Variants in PDE10A observed in about 807,000 individuals in gnomAD.
PDE10A encodes the protein phosphodiesterase 10A.
In PDE10A, 39 loss-of-function variants were observed where a neutral mutation model predicts 97.7. The ratio of observed to expected loss-of-function variants is 0.40; its 90% CI spans 0.31 to 0.52. The LOEUF (loss-of-function observed/expected upper bound fraction) is 0.52, where lower values mean the gene tolerates loss of function less well. Among genes scored for constraint, PDE10A ranks in the 20% least tolerant of loss-of-function variants. PDE10A has a pLI of 0.56. For synonymous variants in PDE10A, 371 were observed against 376.8 expected, an observed-to-expected ratio of 0.98 and a Z score of 0.18; for missense variants, 731 against 1,047.8, an observed-to-expected ratio of 0.70 and a Z score of 4.17.
chr6:165,341,842 T>C (rs1465907978), intron 19 of PDE10A, among the ~76,000 whole-genome samples: 2 of 152,204 alleles, frequency 1.3e-5, no homozygotes, highest in Non-Finnish European at 2.9e-5. Flanking sequence ...TTTACTGTGA[T>C]ACACAATTTA....
In PDE10A at chr6:165,726,534, AGAGGAGAGCCACGATGCCC is replaced by A. The variant is rs533038335; in HGVS notation, c.-614-182985_-614-182967del. Among the ~76,000 whole-genome samples the A allele has an allele frequency of 4.9e-3, 753 of 152,162 alleles. 5 individuals carry two copies. Among genetic ancestry groups the A allele is most frequent in the Non-Finnish European group, 7.0e-3 (473 of 67,984 alleles). On this transcript the variant is annotated intron_variant, in intron 1 of 19. Coordinates refer to the PDE10A transcript ENST00000366882. ...GAGCACGGGTGCCGAGCACCGGGGGAGAGGAGAGCCACGATGCCCGAGGAGAGCCACGATGCCCGCTCCC... is the reference window on the plus strand; with the variant it reads ...GAGCACGGGTGCCGAGCACCGGGGGAGAGGAGAGCCACGATGCCCGCTCCC...
intron 18 of PDE10A, among the ~76,000 whole-genome samples, chr6:165,349,193 G>T (rs928828121): frequency 6.6e-6 from 1 of 152,136 alleles, no homozygotes; most frequent in Non-Finnish European, 1.5e-5. Context: ...ATTTCCTAGA[G>T]ACTTGGACAA....
intron 13 of PDE10A, among the ~76,000 whole-genome samples, chr6:165,405,287 A>G (rs1263369292): frequency 6.6e-6 from 1 of 152,204 alleles, no homozygotes; most frequent in African/African-American, 2.4e-5. Context: ...TAGGGCAGAC[A>G]TAAAAGGTAC....
rs138238143 is a variant in PDE10A, at chr6:165,392,386, A to T, written c.2454+260T>A. Among the ~76,000 whole-genome samples, 699 of 152,320 alleles carry T rather than the reference A, an allele frequency of 4.6e-3. 4 individuals carry two copies. Among genetic ancestry groups the T allele is most frequent in the African/African-American group, 0.016 (661 of 41,574 alleles). ...CCCTTCAGAACATTTAAGCTTTAAC[A>T]GGTAAGACAGACTACAAAATTAGTA... On this transcript the variant is annotated intron_variant, in intron 16 of 21. Transcript: ENST00000539869.
At chr6:165,577,896 A>G (rs1375075113) in intron 1 of PDE10A, among the ~76,000 whole-genome samples, 1 of 152,194 alleles carries the variant, frequency 6.6e-6, no homozygotes, top group Non-Finnish European at 1.5e-5. Flanking sequence ...GCTAGAGGAC[A>G]CAATAGAAAA....
rs1490605705 is a variant in PDE10A at position 165,852,802 on chromosome 6, C to T, written c.-615+134727G>A. Among the ~76,000 whole-genome samples the T allele has an allele frequency of 2.0e-5, 3 of 152,218 alleles. No individual in the cohort carries two copies. The East Asian group carries it at 5.8e-4, about 29-fold the overall frequency. On this transcript the variant is annotated intron_variant, in intron 1 of 19. Coordinates refer to the PDE10A transcript ENST00000366882. The stretch of plus-strand genomic sequence containing the variant: ...TCTGTGCACATGAGCTGGTCCTGAT[C>T]TAACACATTTTTCTGAGCTCCATCC...
chr6:165,445,278 A>G (rs1043482958), intron 5 of PDE10A, among the ~76,000 whole-genome samples: 4 of 152,254 alleles, frequency 2.6e-5, no homozygotes, highest in African/African-American at 7.2e-5. Flanking sequence ...TGCATAAAAT[A>G]TATTTTACCC....
At chr6:165,651,105 C>A (rs1196788586) in intron 1 of PDE10A, among the ~76,000 whole-genome samples, 2 of 152,154 alleles carry the variant, frequency 1.3e-5, no homozygotes, top group African/African-American at 4.8e-5. Context: ...CTTGATACTC[C>A]CACCAGGAAA....
intron 1 of PDE10A, among the ~76,000 whole-genome samples, chr6:165,770,085 G>C (rs976149659): frequency 6.7e-6 from 1 of 150,318 alleles, no homozygotes; most frequent in Non-Finnish European, 1.5e-5. Context: ...CCTAGCTTCC[G>C]TCTCTAGTCC....
At chr6:165,796,183 C>A (rs374469454) in intron 1 of PDE10A, among the ~76,000 whole-genome samples, 2 of 150,206 alleles carry the variant, frequency 1.3e-5, no homozygotes, top group East Asian at 3.9e-4. Flanking sequence ...GCCAGCTCCG[C>A]CTCCCGAGTT....
At chr6:165,802,376 C>CA (rs1415496054) in intron 1 of PDE10A, among the ~76,000 whole-genome samples, 1 of 152,208 alleles carries the variant, frequency 6.6e-6, no homozygotes, top group Non-Finnish European at 1.5e-5. Context: ...CCAAGTTTGT[C>CA]ACACCTCTGT....
chr6:165,546,134 T>C (rs1783724887), intron 1 of PDE10A, among the ~76,000 whole-genome samples: 1 of 152,018 alleles, frequency 6.6e-6, no homozygotes, highest in South Asian at 2.1e-4. Flanking sequence ...CTTAAATGCA[T>C]ATTGCTATGA....
At chr6:165,826,912 G>A (rs954520916) in intron 1 of PDE10A, among the ~76,000 whole-genome samples, 8 of 151,800 alleles carry the variant, frequency 5.3e-5, no homozygotes, top group East Asian at 1.9e-4. Flanking sequence ...TGAGGTGGGC[G>A]CAGGCGGGAT....
At chr6:165,938,344 T>C (rs1562806989) in intron 1 of PDE10A, among the ~76,000 whole-genome samples, 1 of 152,240 alleles carries the variant, frequency 6.6e-6, no homozygotes, top group African/African-American at 2.4e-5. Flanking sequence ...TATGGTTGTC[T>C]CCAACTAGAA....
intron 1 of PDE10A, among the ~76,000 whole-genome samples, chr6:165,816,338 G>A (rs1286044157): frequency 1.3e-5 from 2 of 152,194 alleles, no homozygotes; most frequent in Non-Finnish European, 2.9e-5. Flanking sequence ...AATATTTATT[G>A]ATTGATCATT....
At chr6:165,674,184 C>G (rs1790728416) in intron 1 of PDE10A, among the ~76,000 whole-genome samples, 1 of 152,100 alleles carries the variant, frequency 6.6e-6, no homozygotes, top group Non-Finnish European at 1.5e-5. Context: ...TAGACTTTTG[C>G]CGAACTTCAT....
intron 1 of PDE10A, among the ~76,000 whole-genome samples, chr6:165,859,977 G>T (rs543738058): frequency 6.6e-6 from 1 of 152,254 alleles, no homozygotes; most frequent in South Asian, 2.1e-4. Flanking sequence ...ATGCTAAGTG[G>T]GAGCTAAGCC....
intron 18 of PDE10A, among the ~76,000 whole-genome samples, chr6:165,365,656 G>A (rs900597509): frequency 6.6e-6 from 1 of 152,186 alleles, no homozygotes; most frequent in Non-Finnish European, 1.5e-5. Flanking sequence ...GGAGGTCAAG[G>A]CTGCAGTGAG....
chr6:165,899,332 C>T lies in PDE10A; in HGVS notation c.-615+88197G>A, dbSNP rs142144001. On this transcript the variant is annotated intron_variant, in intron 1 of 19. Transcript: ENST00000366882. ...AACTGTTGAGATCATGGTACTCTTTCCCACACTTTGACTAGAGTTGACATT... is the reference window on the plus strand; with the variant it reads ...AACTGTTGAGATCATGGTACTCTTTTCCACACTTTGACTAGAGTTGACATT... Among the ~76,000 whole-genome samples the T allele has an allele frequency of 3.4e-3, 523 of 152,306 alleles. 2 individuals carry two copies. The highest frequency in any genetic ancestry group is 0.012 in the African/African-American group (484 of 41,580).
Sources: gnomAD v4.1 joint callset for allele counts (sites outside exome capture counted in the v4.1 genomes callset) on GRCh38, gnomAD v4.1.1 for gene constraint, MANE v1.5 for transcripts, NCBI Gene and HGNC (gene_info 2026-07-23, HGNC 2026-07-21) for gene names.